The following ESRRG variants were observed in gnomAD, a reference collection of about 807,000 sequenced individuals.
ESRRG encodes the protein estrogen related receptor gamma, also known as estrogen-related receptor gamma.
A neutral mutation model predicts 44.0 loss-of-function variants in ESRRG; 13 were observed. That is an observed-to-expected ratio of 0.30 (90% CI 0.19 to 0.47). ESRRG has a LOEUF of 0.47. Among genes scored for constraint, ESRRG ranks in the 20% least tolerant of loss-of-function variants. The probability of loss-of-function intolerance (pLI) is 1.00; values close to 1 mark genes in which losing one functional copy is unlikely to be tolerated. For synonymous variants in ESRRG, 215 were observed against 214.6 expected (o/e 1.00, Z -0.02); for missense variants, 395 against 580.6 (o/e 0.68, Z 3.29).
At chr1:217,010,911 T>A (rs536547409) in intron 1 of ESRRG, among the ~76,000 whole-genome samples, 3 of 152,184 alleles carry the variant, frequency 2.0e-5, no homozygotes, top group Non-Finnish European at 4.4e-5. Context: ...CCTTACCTCC[T>A]TACCCATCCC....
intron 1 of ESRRG, among the ~76,000 whole-genome samples, chr1:216,998,736 T>C (rs1407716615): frequency 1.3e-5 from 2 of 152,238 alleles, no homozygotes; most frequent in African/African-American, 4.8e-5. Flanking sequence ...AATAAAATTC[T>C]ATATCTCATA....
At chr1:216,780,097 G>A (rs1196644211) in intron 2 of ESRRG, among the ~76,000 whole-genome samples, 3 of 151,606 alleles carry the variant, frequency 2.0e-5, no homozygotes, top group Admixed American at 1.3e-4. Context: ...AAAAAGAAAA[G>A]TATGTCAAGA....
intron 2 of ESRRG, among the ~76,000 whole-genome samples, chr1:216,829,632 C>G (rs12568029): frequency 6.6e-6 from 1 of 150,552 alleles, no homozygotes; most frequent in African/African-American, 2.4e-5. Context: ...TTGGCTCACT[C>G]CAACCTCCGC....
intron 1 of ESRRG, among the ~76,000 whole-genome samples, chr1:217,060,612 C>A (rs1347162821): frequency 6.6e-6 from 1 of 151,980 alleles, no homozygotes; most frequent in East Asian, 1.9e-4. Context: ...GCCACCTTAA[C>A]CCTGTTTATT....
At chr1:216,780,561 C>G (rs1424335608) in intron 2 of ESRRG, among the ~76,000 whole-genome samples, 1 of 151,978 alleles carries the variant, frequency 6.6e-6, no homozygotes, top group African/African-American at 2.4e-5. Context: ...AATTCTGTGG[C>G]TCTGTTACTA....
chr1:216,674,640 T>C (rs1387054188), intron 2 of ESRRG, among the ~76,000 whole-genome samples: 10 of 141,282 alleles, frequency 7.1e-5, no homozygotes, highest in Non-Finnish European at 1.5e-4. Context: ...TTTTTGAGAC[T>C]GTGTCTAGCT....
At position 217,112,301 on chromosome 1, in the gene ESRRG, C is replaced by T. The variant is rs72652310; in HGVS notation, c.-230+25366G>A. On this transcript the variant is annotated intron_variant, in intron 1 of 8. Transcript: ENST00000366940. ...CAGAAAGGGATTCTGTCATAAAAATCTACAACAATGGCTTTGGGACCAAGT... is the reference window on the plus strand; with the variant it reads ...CAGAAAGGGATTCTGTCATAAAAATTTACAACAATGGCTTTGGGACCAAGT... 1.8e-3 allele frequency among the ~76,000 whole-genome samples: 279 copies of T among 152,250 alleles called. 8 individuals are homozygous for T. The East Asian group carries it at 0.046, about 25-fold the overall frequency.
chr1:217,036,379 A>C (rs908661262), intron 1 of ESRRG, among the ~76,000 whole-genome samples: 2 of 152,180 alleles, frequency 1.3e-5, no homozygotes, highest in African/African-American at 2.4e-5. Flanking sequence ...TCATTGCAGC[A>C]CCATTCACCA....
intron 1 of ESRRG, among the ~76,000 whole-genome samples, chr1:216,966,386 T>C (rs1050825598): frequency 6.6e-6 from 1 of 152,302 alleles, no homozygotes; most frequent in African/African-American, 2.4e-5. Context: ...AGTAAGGATT[T>C]GTTGTCCATT....
Position 216,735,499 on chromosome 1 carries a change from C to T in ESRRG, c.-13-58008G>A, listed in dbSNP as rs111363684. ...CTGGGATTACAGGCGTGAGCCACCA[C>T]ACCTGGCCCATCTTTTTCTTAAGAC... On this transcript the variant is annotated intron_variant, in intron 2 of 7. Coordinates refer to the ESRRG transcript ENST00000359162. 3.9e-3 allele frequency among the ~76,000 whole-genome samples: 599 copies of T among 152,222 alleles called. 8 individuals are homozygous for T. The highest frequency in any genetic ancestry group is 0.014 in the African/African-American group (572 of 41,520).
At chr1:216,569,111 A>AGGAAGGAAGGAAGGAAGGAGGAAG (rs1553355981) in intron 3 of ESRRG, among the ~76,000 whole-genome samples, 7 of 104,362 alleles carry the variant, frequency 6.7e-5, no homozygotes, top group African/African-American at 1.8e-4. Context: ...GAAGGAAGGA[A>AGGAAGGAAGGAAGGAAGGAGGAAG]GAAGGAAGGA....
At chr1:216,756,777 T>C (rs1040284557) in intron 2 of ESRRG, among the ~76,000 whole-genome samples, 3 of 152,036 alleles carry the variant, frequency 2.0e-5, no homozygotes, top group Admixed American at 6.6e-5. Flanking sequence ...TTATATTCTA[T>C]CATGTAATAG....
chr1:216,533,749 A>G lies in ESRRG; in HGVS notation c.863-14328T>C, dbSNP rs144232268. Among the ~76,000 whole-genome samples the G allele has an allele frequency of 6.8e-3, 1,031 of 152,264 alleles. 5 individuals carry two copies. The highest frequency in any genetic ancestry group is 0.023 in the African/African-American group (976 of 41,576). On this transcript the variant is annotated intron_variant, in intron 5 of 6. Transcript: ENST00000408911. ...AAAGTGCAATTGGAAAGTATTTCCTAAGCATCCCTAATGCTTTTAGGACAA... is the reference window on the plus strand; with the variant it reads ...AAAGTGCAATTGGAAAGTATTTCCTGAGCATCCCTAATGCTTTTAGGACAA...
chr1:216,950,296 A>G (rs989463830), intron 1 of ESRRG, among the ~76,000 whole-genome samples: 12 of 152,338 alleles, frequency 7.9e-5, no homozygotes, highest in African/African-American at 2.9e-4. Flanking sequence ...AATGAACTCA[A>G]AACTTAATAT....
intron 1 of ESRRG, among the ~76,000 whole-genome samples, chr1:217,006,604 A>G (rs1560448111): frequency 6.6e-6 from 1 of 152,160 alleles, no homozygotes; most frequent in Non-Finnish European, 1.5e-5. Flanking sequence ...AAATATTTGC[A>G]TATACATAGT....
At chr1:217,007,670 T>C (rs2077946790) in intron 1 of ESRRG, among the ~76,000 whole-genome samples, 2 of 152,190 alleles carry the variant, frequency 1.3e-5, no homozygotes, top group Non-Finnish European at 2.9e-5. Context: ...GAAACTGAGC[T>C]TTCTAAACCT....
At chr1:216,980,614 T>G (rs2073794266) in intron 1 of ESRRG, among the ~76,000 whole-genome samples, 1 of 152,136 alleles carries the variant, frequency 6.6e-6, no homozygotes, top group Non-Finnish European at 1.5e-5. Flanking sequence ...CAATAGCCTC[T>G]AATCTTGACT....
At chr1:216,753,175 T>TCAC (rs1553570990) in intron 2 of ESRRG, among the ~76,000 whole-genome samples, 13 of 148,910 alleles carry the variant, frequency 8.7e-5, no homozygotes, top group South Asian at 4.3e-4. Context: ...TATATATTGA[T>TCAC]ACACACACAC....
At chr1:216,517,331 A>G (rs190275939) in intron 6 of ESRRG, among the ~76,000 whole-genome samples, 1 of 152,320 alleles carries the variant, frequency 6.6e-6, no homozygotes, top group African/African-American at 2.4e-5. Context: ...TATCAGAAAT[A>G]TTAATGCTTA....
Sources: allele counts gnomAD v4.1 joint callset (sites outside exome capture counted in the v4.1 genomes callset), GRCh38; gene constraint gnomAD v4.1.1; transcripts MANE v1.5; gene names NCBI Gene and HGNC (gene_info 2026-07-23, HGNC 2026-07-21).